Variants in TRPC6 observed in about 807,000 individuals in gnomAD.
TRPC6 encodes the protein short transient receptor potential channel 6.
Under a neutral mutation model 90.7 loss-of-function variants are expected in TRPC6, and 55 were observed. That is an observed-to-expected ratio of 0.61 (90% CI 0.49 to 0.76). TRPC6 has a LOEUF of 0.76. Among genes scored for constraint, TRPC6 ranks in the 30% least tolerant of loss-of-function variants. The pLI, the probability that TRPC6 is intolerant of heterozygous loss-of-function variation, is 0.00. For missense variants in TRPC6, 989 were observed against 1,122.7 expected (o/e 0.88, Z 1.70); for synonymous variants, 393 against 393.0 (o/e 1.00, Z 0.00).
At chr11:101,466,516 C>T (rs1402254028) in intron 10 of TRPC6, among the ~76,000 whole-genome samples, 1 of 152,220 alleles carries the variant, frequency 6.6e-6, no homozygotes, top group African/African-American at 2.4e-5. Flanking sequence ...GGTAAAACTG[C>T]CTACTCAAGC....
chr11:101,472,201 G>A lies in TRPC6; in HGVS notation c.2141C>T (p.Thr714Met), dbSNP rs751038195. The A allele has an allele frequency of 4.3e-6, 7 of 1,612,786 alleles. No individual in the cohort carries two copies. Among genetic ancestry groups the A allele is most frequent in the Non-Finnish European group, 5.1e-6 (6 of 1,179,442 alleles). ...CATATTTAGCAAAACAATGACCATC[G>A]TAACATTATAGACTCCATAAAGAAC... ...GYVLYGVYNV[T>M]MVIVLLNMLI... The change falls in exon 8 of 13, where the codon ACG becomes ATG. Residue 714 changes from threonine to methionine, a missense_variant. Transcript: ENST00000344327.
intron 1 of TRPC6, among the ~76,000 whole-genome samples, chr11:101,569,221 G>A (rs941055129): frequency 6.6e-6 from 1 of 150,554 alleles, no homozygotes; most frequent in Non-Finnish European, 1.5e-5. Context: ...TGCAGTCCTA[G>A]CCTCTGAAAA....
At chr11:101,557,961 G>A (rs1041806168) in intron 1 of TRPC6, among the ~76,000 whole-genome samples, 6 of 151,970 alleles carry the variant, frequency 3.9e-5, no homozygotes, top group African/African-American at 1.2e-4. Context: ...TACAGATTAC[G>A]TGATCTACAG....
intron 1 of TRPC6, among the ~76,000 whole-genome samples, chr11:101,541,821 T>C (rs569313875): frequency 1.3e-5 from 2 of 152,326 alleles, no homozygotes; most frequent in African/African-American, 2.4e-5. Context: ...AGCATGCTAA[T>C]GTATATGCAT....
chr11:101,500,752 T>C (rs1383430982), intron 2 of TRPC6, among the ~76,000 whole-genome samples: 2 of 152,280 alleles, frequency 1.3e-5, no homozygotes, highest in Non-Finnish European at 2.9e-5. Context: ...ATAAAAGCTA[T>C]AATATGAGGA....
intron 1 of TRPC6, among the ~76,000 whole-genome samples, chr11:101,528,222 C>T (rs766443143): frequency 6.6e-6 from 1 of 152,070 alleles, no homozygotes; most frequent in South Asian, 2.1e-4. Context: ...AGGTAAAAGT[C>T]AGATTAGTGG....
At chr11:101,500,729 A>T (rs569391296) in intron 2 of TRPC6, among the ~76,000 whole-genome samples, 1 of 152,288 alleles carries the variant, frequency 6.6e-6, no homozygotes, top group South Asian at 2.1e-4. Flanking sequence ...GGATTTTAAG[A>T]GACTTTACAA....
At chr11:101,500,210 C>CTTTTTTTTTTTTTTTTTTTTTTTTT (rs373591780) in intron 2 of TRPC6, among the ~76,000 whole-genome samples, 1 of 137,710 alleles carries the variant, frequency 7.3e-6, no homozygotes. Context: ...TATTTTTTTT[C>CTTTTTTTTTTTTTTTTTTTTTTTTT]TTTCTTTTTT....
At chr11:101,461,603 G>A (rs150824528) in intron 10 of TRPC6, among the ~76,000 whole-genome samples, 1 of 152,262 alleles carries the variant, frequency 6.6e-6, no homozygotes, top group Non-Finnish European at 1.5e-5. Flanking sequence ...AACGTTTTGA[G>A]TTGAATACCT....
Position 101,583,863 on chromosome 11 carries a change from A to C in TRPC6, c.-360T>G. 4.5e-6 allele frequency: 1 copy of C among 222,590 alleles called. No homozygotes were observed. The highest frequency in any genetic ancestry group is 8.7e-6 in the Non-Finnish European group (1 of 114,738). 13.8% of individuals were successfully genotyped at this position (222,590 alleles called of 1,614,324 possible). A position where few individuals can be genotyped will look rare whatever the true frequency, so the allele number is the denominator to read the frequency against. On this transcript the variant is annotated 5_prime_UTR_variant, in exon 1 of 13. Transcript: ENST00000344327. ...AGGGAGACGGAGCTGAAGAGTTACTATGTCAACAGAGACTCTCCAGCCCTC... is the reference window on the plus strand; with the variant it reads ...AGGGAGACGGAGCTGAAGAGTTACTCTGTCAACAGAGACTCTCCAGCCCTC...
intron 1 of TRPC6, among the ~76,000 whole-genome samples, chr11:101,554,168 C>G (rs1861510800): frequency 6.6e-6 from 1 of 151,968 alleles, no homozygotes; most frequent in African/African-American, 2.4e-5. Context: ...GGCAGACAGA[C>G]CAGTATATTC....
chr11:101,481,059 A>T (rs1406085198), intron 5 of TRPC6, among the ~76,000 whole-genome samples: 1 of 152,262 alleles, frequency 6.6e-6, no homozygotes, highest in Non-Finnish European at 1.5e-5. Flanking sequence ...AGTTTTGAAT[A>T]ACTCAAATGC....
rs1247799057 is a variant in TRPC6 at position 101,452,430 on chromosome 11, G to A, written c.*525C>T. The A allele has an allele frequency of 6.3e-6, 1 of 157,534 alleles. No individual in the cohort carries two copies. The highest frequency in any genetic ancestry group is 1.4e-5 in the Non-Finnish European group (1 of 71,044). 9.8% of individuals were successfully genotyped at this position (157,534 alleles called of 1,614,324 possible). A position where few individuals can be genotyped will look rare whatever the true frequency, so the allele number is the denominator to read the frequency against. On this transcript the variant is annotated 3_prime_UTR_variant, in exon 13 of 13. Coordinates refer to ENST00000344327, the MANE Select transcript of TRPC6 (RefSeq NM_004621.6). ...ATTTTGTATGAACGGTATCAATCAT[G>A]TGCATTGAGGGATAAGTAGGGTAAA...
intron 1 of TRPC6, among the ~76,000 whole-genome samples, chr11:101,533,935 G>A (rs1860973049): frequency 6.6e-6 from 1 of 152,084 alleles, no homozygotes; most frequent in Admixed American, 6.5e-5. Context: ...ATCCACTCCT[G>A]TAACTCCACA....
intron 1 of TRPC6, among the ~76,000 whole-genome samples, chr11:101,530,333 A>T (rs551888777): frequency 6.6e-6 from 1 of 152,004 alleles, no homozygotes; most frequent in Non-Finnish European, 1.5e-5. Flanking sequence ...CCCACAGCAG[A>T]TCCTACGACA....
Position 101,459,349 on chromosome 11 carries a change from C to G in TRPC6, c.2485-4248G>C, listed in dbSNP as rs114844828. On this transcript the variant is annotated intron_variant, in intron 10 of 12. Transcript: ENST00000344327. ...TGTCTGGGAAAGTCAGTCAGCCCAA[C>G]AGGGAACGGCACATCTCTGTAGCTG... is the stretch of plus-strand genomic sequence containing the variant. 1.4e-3 allele frequency among the ~76,000 whole-genome samples: 214 copies of G among 152,288 alleles called. 1 individual carries two copies. Among genetic ancestry groups the G allele is most frequent in the African/African-American group, 5.1e-3 (210 of 41,562 alleles).
At chr11:101,507,766 T>G (rs976953727) in intron 1 of TRPC6, among the ~76,000 whole-genome samples, 2 of 152,042 alleles carry the variant, frequency 1.3e-5, no homozygotes, top group Non-Finnish European at 2.9e-5. Flanking sequence ...AATTACATGG[T>G]TGTTTATTGA....
rs1273605358 is a variant in TRPC6, at chr11:101,504,562, G to A, written c.407C>T (p.Ala136Val). 5 of 1,614,140 alleles carry A rather than the reference G, an allele frequency of 3.1e-6. No individual in the cohort carries two copies. Among genetic ancestry groups the A allele is most frequent in the Non-Finnish European group, 4.2e-6 (5 of 1,180,016 alleles). ...VNCVDYMGQN[A>V]LQLAVANEHL... The stretch of plus-strand genomic sequence containing the variant: ...CTCATTGGCCACTGCCAACTGTAGG[G>A]CATTCTGGCCCATGTAATCCACACA... Residue 136 changes from alanine (A) to valine (V), a missense_variant, in exon 2 of 13, where the codon GCC becomes GTC. Ala to Val is a moderately conservative substitution (Grantham distance 64). This residue lies in a region of TRPC6 where 486 missense variants were observed against 591.9 expected (regional missense o/e 0.82). Coordinates refer to ENST00000344327, the MANE Select transcript of TRPC6 (RefSeq NM_004621.6).
chr11:101,583,633 G>A lies in TRPC6; in HGVS notation c.-130C>T. The A allele has an allele frequency of 1.9e-6, 2 of 1,061,576 alleles. No homozygotes were observed. The highest frequency in any genetic ancestry group is 2.2e-5 in the South Asian group (1 of 45,298). 65.8% of individuals were successfully genotyped at this position (1,061,576 alleles called of 1,614,324 possible). A position where few individuals can be genotyped will look rare whatever the true frequency, so the allele number is the denominator to read the frequency against. On this transcript the variant is annotated 5_prime_UTR_variant, in exon 1 of 13. Coordinates refer to ENST00000344327, the MANE Select transcript of TRPC6 (RefSeq NM_004621.6). The stretch of plus-strand genomic sequence containing the variant: ...CTGGGCAGACCGGTGCCCAGGGGAC[G>A]ACGGTGAAGCAGGGGGTGCAGACGC...
Sources: gnomAD v4.1 joint callset for allele counts (sites outside exome capture counted in the v4.1 genomes callset) on GRCh38, gnomAD v4.1.1 for gene constraint, gnomAD v4.1.1 regional missense constraint, MANE v1.5 for transcripts, NCBI Gene and HGNC (gene_info 2026-07-23, HGNC 2026-07-21) for gene names.